AEBP2: variants seen among roughly 807,000 people sequenced by gnomAD.
The protein encoded by AEBP2 is zinc finger protein AEBP2.
In AEBP2, 10 loss-of-function variants were observed where a neutral mutation model predicts 50.8. That is an observed-to-expected ratio of 0.20 (90% confidence interval 0.12 to 0.33). AEBP2 has a LOEUF of 0.33. Ranked by LOEUF, AEBP2 falls within the 10% of genes least tolerant of loss-of-function variation. The pLI is 1.00. For synonymous variants in AEBP2, 296 were observed against 261.3 expected (o/e 1.13, Z -1.28); for missense variants, 570 against 688.0 (o/e 0.83, Z 1.92).
intron 1 of AEBP2, 184 bp downstream of exon 1, chr12:19,440,554 C>T: frequency 7.2e-7 from 1 of 1,386,190 alleles, no homozygotes; most frequent in Non-Finnish European, 9.4e-7. Context: ...CGCATCGCGG[C>T]TTCCAACTCT....
chr12:19,465,286 C>T (rs1948452245), intron 2 of AEBP2, among the ~76,000 whole-genome samples: 1 of 151,824 alleles, frequency 6.6e-6, no homozygotes, highest in African/African-American at 2.4e-5. Flanking sequence ...CCCAGCTACT[C>T]AGGAGGCTGA....
chr12:19,405,207 G>A (rs2095735558), intron 1 of AEBP2, among the ~76,000 whole-genome samples: 1 of 152,138 alleles, frequency 6.6e-6, no homozygotes, highest in Admixed American at 6.6e-5. Context: ...GGGGTTACAG[G>A]CGTGAGCCAC....
At chr12:19,493,657 A>G (rs995799428) in intron 3 of AEBP2, 143 bp from the exon 4 acceptor site, 23 of 751,142 alleles carry the variant, frequency 3.1e-5, no homozygotes, top group African/African-American at 1.4e-4. Context: ...TGAAAAGACT[A>G]CTAGTCCCTT....
chr12:19,406,799 CTA>C (rs376835274), intron 1 of AEBP2, among the ~76,000 whole-genome samples: 168 of 152,212 alleles, frequency 1.1e-3, no homozygotes, highest in African/African-American at 3.8e-3. Flanking sequence ...GGATTTTCTC[CTA>C]TGTTATCTTC....
intron 1 of AEBP2, among the ~76,000 whole-genome samples, chr12:19,408,281 G>C (rs376844818): frequency 1.4e-4 from 21 of 151,936 alleles, no homozygotes; most frequent in African/African-American, 4.8e-4. Context: ...TCTTGGCCGG[G>C]TGTGCTGGCT....
chr12:19,471,873 A>G (rs1320831730), intron 2 of AEBP2, among the ~76,000 whole-genome samples: 1 of 151,926 alleles, frequency 6.6e-6, no homozygotes. Flanking sequence ...TCCTACATTT[A>G]TTTTTAAAAG....
chr12:19,437,403 G>C (rs1450812735), upstream of AEBP2, among the ~76,000 whole-genome samples: 3 of 152,188 alleles, frequency 2.0e-5, no homozygotes, highest in African/African-American at 7.2e-5. Flanking sequence ...TGACCCTTAT[G>C]ATGGGTGAGG....
At chr12:19,500,365 T>A in intron 5 of AEBP2, 144 bp downstream of exon 5, 1 of 833,694 alleles carries the variant, frequency 1.2e-6, no homozygotes. Flanking sequence ...ATTTAAAACA[T>A]TGTATTATTG....
intron 1 of AEBP2, among the ~76,000 whole-genome samples, chr12:19,415,334 AAAAAAAAAAAAAAAAAATATATATATAT>A (rs2095741734): frequency 2.3e-5 from 1 of 43,566 alleles, no homozygotes; most frequent in Admixed American, 2.8e-4. Context: ...AAAAAAAAAA[AAAAAAAAAAAAAAAAAATATATATATAT>A]ATATATATAT....
Position 19,500,317 on chromosome 12 carries a change from A to C in AEBP2, c.1299+96A>C, listed in dbSNP as rs1047190474. 6 of 1,174,406 alleles carry C rather than the reference A, an allele frequency of 5.1e-6. No individual in the cohort carries two copies. The East Asian group carries it at 1.5e-4, about 29-fold the overall frequency. The allele number at this position is 1,174,406 out of a possible 1,614,324, so 72.7% of individuals were successfully genotyped here. A position where few individuals can be genotyped will look rare whatever the true frequency, so the allele number is the denominator to read the frequency against. ...AATCTCTCAAAATCTAAGAAAGTACAATTTAACAGAAATCACAAAACCTTT... is the reference window on the plus strand; with the variant it reads ...AATCTCTCAAAATCTAAGAAAGTACCATTTAACAGAAATCACAAAACCTTT... On this transcript the variant is annotated intron_variant, in intron 5 of 7. Transcript: ENST00000266508.
chr12:19,407,961 G>A (rs973501693), intron 1 of AEBP2, among the ~76,000 whole-genome samples: 1 of 151,560 alleles, frequency 6.6e-6, no homozygotes, highest in African/African-American at 2.4e-5. Context: ...TGAGGCAGAA[G>A]AATTGCTTGA....
intron 2 of AEBP2, among the ~76,000 whole-genome samples, chr12:19,470,824 T>C (rs1223808674): frequency 2.0e-5 from 3 of 152,118 alleles, no homozygotes; most frequent in Non-Finnish European, 2.9e-5. Context: ...TATTTCAGAG[T>C]AGGGCGGGGG....
Position 19,439,990 on chromosome 12 carries a change from AGACGAGGAGGAG to A in AEBP2, c.297_308del (p.Glu99_Asp102del). 1 of 1,522,580 alleles carries A rather than the reference AGACGAGGAGGAG, an allele frequency of 6.6e-7. No individual in the cohort carries two copies. The highest frequency in any genetic ancestry group is 8.8e-7 in the Non-Finnish European group (1 of 1,141,402). 94.3% of individuals were successfully genotyped at this position (1,522,580 alleles called of 1,614,324 possible). ...GCGCCAGCCAGGCCGGGGAGGACGA[AGACGAGGAGGAG>A]GACGACGAGGAGGAGGAAGATGAGA... On this transcript the variant is annotated inframe_deletion, in exon 1 of 8. Transcript: ENST00000266508.
At chr12:19,419,746 A>G (rs534805735) in intron 1 of AEBP2, among the ~76,000 whole-genome samples, 34 of 152,102 alleles carry the variant, frequency 2.2e-4, no homozygotes, top group African/African-American at 6.0e-4. Context: ...ACTGGCCAAC[A>G]TGGCGAAACC....
intron 3 of AEBP2, among the ~76,000 whole-genome samples, chr12:19,473,840 A>C (rs1592748417): frequency 6.6e-6 from 1 of 152,204 alleles, no homozygotes; most frequent in Admixed American, 6.5e-5. Flanking sequence ...AAGTAGATGG[A>C]GATAAAGCTC....
At chr12:19,476,829 T>C (rs1027518340) in intron 3 of AEBP2, among the ~76,000 whole-genome samples, 3 of 152,168 alleles carry the variant, frequency 2.0e-5, no homozygotes, top group African/African-American at 7.2e-5. Context: ...TTTAGGATAG[T>C]GTGTTTCTAG....
chr12:19,422,145 G>C (rs141194453), intron 1 of AEBP2, among the ~76,000 whole-genome samples: 635 of 152,136 alleles, frequency 4.2e-3, no homozygotes, highest in African/African-American at 0.011. Flanking sequence ...CTGGGTGGAG[G>C]GGGGAGGGGA....
chr12:19,453,168 A>G (rs990269432), intron 1 of AEBP2, among the ~76,000 whole-genome samples: 1 of 151,670 alleles, frequency 6.6e-6, no homozygotes, highest in African/African-American at 2.4e-5. Context: ...ATGGAGTTTC[A>G]CTGTGTTAGC....
intron 5 of AEBP2, among the ~76,000 whole-genome samples, chr12:19,506,870 A>G (rs1386032718): frequency 6.6e-6 from 1 of 152,158 alleles, no homozygotes; most frequent in Non-Finnish European, 1.5e-5. Context: ...GTTTTAGAAT[A>G]AGAGGTAACA....
Sources: allele counts gnomAD v4.1 joint callset (sites outside exome capture counted in the v4.1 genomes callset), GRCh38; gene constraint gnomAD v4.1.1; transcripts MANE v1.5; gene names NCBI Gene and HGNC (gene_info 2026-07-23, HGNC 2026-07-21).